Variants in PLCXD3 observed in about 807,000 individuals in gnomAD.
PLCXD3 encodes the protein phosphatidylinositol specific phospholipase C X domain containing 3.
Under a neutral mutation model 25.5 loss-of-function variants are expected in PLCXD3, and 19 were observed. The observed-to-expected ratio is 0.75, with a 90% CI of 0.52 to 1.09. The LOEUF (loss-of-function observed/expected upper bound fraction) is 1.09, where lower values mean the gene tolerates loss of function less well. Ranked by LOEUF, PLCXD3 falls within the 50% of genes least tolerant of loss-of-function variation. The probability of loss-of-function intolerance (pLI) is 0.00; values close to 1 mark genes in which losing one functional copy is unlikely to be tolerated. For synonymous variants in PLCXD3, 174 were observed against 137.6 expected (o/e 1.26, Z -1.85); for missense variants, 411 against 388.1 (o/e 1.06, Z -0.50).
chr5:41,450,474 G>A (rs906718042), intron 1 of PLCXD3, among the ~76,000 whole-genome samples: 2 of 152,086 alleles, frequency 1.3e-5, no homozygotes, highest in African/African-American at 4.8e-5. Flanking sequence ...TCCCAGTAGT[G>A]CCTGGGAAAT....
chr5:41,378,369 C>A (rs1745358663), intron 2 of PLCXD3, among the ~76,000 whole-genome samples: 1 of 152,028 alleles, frequency 6.6e-6, no homozygotes, highest in Non-Finnish European at 1.5e-5. Flanking sequence ...CTGGAGAGTG[C>A]CAGCACATCT....
chr5:41,418,525 T>C lies in PLCXD3; in HGVS notation c.104-35991A>G, dbSNP rs149101884. Among the ~76,000 whole-genome samples, 122 of 152,184 alleles carry C rather than the reference T, an allele frequency of 8.0e-4. 1 individual carries two copies. Among genetic ancestry groups the C allele is most frequent in the Middle Eastern group, 3.4e-3 (1 of 294 alleles). ...GACTAAAAAACACATGTCATATTAATTTTTTTGGTACACTTTATTTAATAT... is the reference window on the plus strand; with the variant it reads ...GACTAAAAAACACATGTCATATTAACTTTTTTGGTACACTTTATTTAATAT... On this transcript the variant is annotated intron_variant, in intron 1 of 2. Transcript: ENST00000377801.
intron 2 of PLCXD3, among the ~76,000 whole-genome samples, chr5:41,353,530 T>C (rs559755682): frequency 6.6e-6 from 1 of 152,346 alleles, no homozygotes; most frequent in African/African-American, 2.4e-5. Flanking sequence ...GTAGGCTTGA[T>C]ATTTTTATTC....
intron 1 of PLCXD3, among the ~76,000 whole-genome samples, chr5:41,412,533 A>C (rs77990224): frequency 6.6e-6 from 1 of 152,190 alleles, no homozygotes; most frequent in Non-Finnish European, 1.5e-5. Flanking sequence ...AGTCAAGGAC[A>C]TGAGAGCTGT....
chr5:41,365,044 A>T (rs947515253), intron 2 of PLCXD3, among the ~76,000 whole-genome samples: 4 of 152,190 alleles, frequency 2.6e-5, no homozygotes, highest in African/African-American at 9.6e-5. Context: ...TCTTATGTAC[A>T]TCTGCTCCTA....
At chr5:41,328,792 A>C (rs532804961) in intron 2 of PLCXD3, among the ~76,000 whole-genome samples, 1 of 152,330 alleles carries the variant, frequency 6.6e-6, no homozygotes, top group East Asian at 1.9e-4. Flanking sequence ...CTGGTTTTAA[A>C]AAGATTTAAA....
intron 2 of PLCXD3, 22 bp downstream of exon 2, chr5:41,381,804 C>CT (rs397709335): frequency 3.8e-6 from 6 of 1,571,726 alleles, no homozygotes; most frequent in Non-Finnish European, 4.3e-6. Context: ...AGGTTTCCCC[C>CT]TGACATTTTA....
intron 1 of PLCXD3, among the ~76,000 whole-genome samples, chr5:41,400,442 T>C (rs1746146419): frequency 6.6e-6 from 1 of 152,076 alleles, no homozygotes; most frequent in Non-Finnish European, 1.5e-5. Context: ...AACCTATGTG[T>C]CCATCAACAG....
chr5:41,452,872 C>T (rs555835094), intron 1 of PLCXD3, among the ~76,000 whole-genome samples: 5 of 151,888 alleles, frequency 3.3e-5, no homozygotes, highest in South Asian at 2.1e-4. Flanking sequence ...TGTTTTTCTT[C>T]GTTTTATTTT....
chr5:41,505,899 A>G (rs1749044250), intron 1 of PLCXD3, among the ~76,000 whole-genome samples: 1 of 152,250 alleles, frequency 6.6e-6, no homozygotes, highest in Non-Finnish European at 1.5e-5. Flanking sequence ...AAAATTGGAA[A>G]CATGTATAGA....
At chr5:41,468,695 C>T (rs181451759) in intron 1 of PLCXD3, among the ~76,000 whole-genome samples, 272 of 152,020 alleles carry the variant, frequency 1.8e-3, no homozygotes, top group African/African-American at 6.4e-3. Flanking sequence ...TATAGAAATG[C>T]TATTTAGTTT....
intron 1 of PLCXD3, among the ~76,000 whole-genome samples, chr5:41,445,906 G>T (rs915923745): frequency 6.6e-6 from 1 of 151,824 alleles, no homozygotes; most frequent in African/African-American, 2.4e-5. Flanking sequence ...AGAACAACGA[G>T]GCCGGGCGCG....
intron 1 of PLCXD3, among the ~76,000 whole-genome samples, chr5:41,391,586 G>A (rs1408936892): frequency 1.3e-5 from 2 of 152,186 alleles, no homozygotes; most frequent in Non-Finnish European, 2.9e-5. Context: ...AGGGCTTTGG[G>A]TGAGCCTCTA....
intron 1 of PLCXD3, among the ~76,000 whole-genome samples, chr5:41,465,467 C>T (rs1362098884): frequency 1.4e-5 from 2 of 144,426 alleles, no homozygotes; most frequent in African/African-American, 5.1e-5. Flanking sequence ...TAAGTATGTG[C>T]CCAGTCTTTT....
At chr5:41,441,007 G>T (rs1388921963) in intron 1 of PLCXD3, among the ~76,000 whole-genome samples, 3 of 152,166 alleles carry the variant, frequency 2.0e-5, no homozygotes, top group Admixed American at 6.5e-5. Flanking sequence ...TGGACTTCAG[G>T]CCCACAGAAT....
chr5:41,327,301 G>C (rs1483879299), intron 2 of PLCXD3, among the ~76,000 whole-genome samples: 2 of 152,112 alleles, frequency 1.3e-5, no homozygotes, highest in African/African-American at 4.8e-5. Context: ...TGTTTGGCCA[G>C]GTCGTTAAGG....
chr5:41,486,767 G>A (rs1221649138), intron 1 of PLCXD3, among the ~76,000 whole-genome samples: 1 of 152,160 alleles, frequency 6.6e-6, no homozygotes, highest in East Asian at 1.9e-4. Flanking sequence ...CACATACTAT[G>A]TATATTATCC....
chr5:41,394,751 T>A (rs2150497474), intron 1 of PLCXD3, among the ~76,000 whole-genome samples: 1 of 152,244 alleles, frequency 6.6e-6, no homozygotes, highest in Middle Eastern at 3.4e-3. Flanking sequence ...AAGTATTAAT[T>A]TCACAAGAGT....
chr5:41,489,405 C>G (rs376661402), intron 1 of PLCXD3, among the ~76,000 whole-genome samples: 9 of 151,816 alleles, frequency 5.9e-5, no homozygotes, highest in African/African-American at 2.4e-5. Flanking sequence ...ATTGACTTGG[C>G]GATGCGGGCT....
Sources: allele counts gnomAD v4.1 joint callset (sites outside exome capture counted in the v4.1 genomes callset), GRCh38; gene constraint gnomAD v4.1.1; transcripts MANE v1.5; gene names NCBI Gene and HGNC (gene_info 2026-07-23, HGNC 2026-07-21).